PRDM15: variants seen among roughly 807,000 people sequenced by gnomAD.
The protein encoded by PRDM15 is PR/SET domain 15.
Under a neutral mutation model 128.6 loss-of-function variants are expected in PRDM15, and 64 were observed. That is an observed-to-expected ratio of 0.50 (90% CI 0.41 to 0.61). PRDM15 has a LOEUF of 0.61. Ranked by LOEUF, PRDM15 falls within the 20% of genes least tolerant of loss-of-function variation. The pLI is 0.00. For synonymous variants in PRDM15, 615 were observed against 621.8 expected, an observed-to-expected ratio of 0.99 and a Z score of 0.16; for missense variants, 1,242 against 1,569.1, an observed-to-expected ratio of 0.79 and a Z score of 3.52.
At chr21:41,826,265 A>G (rs1199548016) in intron 12 of PRDM15, among the ~76,000 whole-genome samples, 1 of 152,208 alleles carries the variant, frequency 6.6e-6, no homozygotes, top group East Asian at 1.9e-4. Context: ...CCAGGGAAGG[A>G]AGGGAGATGG....
chr21:41,852,603 C>T (rs1259635130), intron 5 of PRDM15, among the ~76,000 whole-genome samples: 1 of 152,256 alleles, frequency 6.6e-6, no homozygotes, highest in Admixed American at 6.5e-5. Context: ...CATCTCCCCA[C>T]AAAGCCACAG....
Position 41,821,261 on chromosome 21 carries a change from C to T in PRDM15, c.1897-31G>A. 8 of 1,613,088 alleles carry T rather than the reference C, an allele frequency of 5.0e-6. No homozygotes were observed. The highest frequency in any genetic ancestry group is 6.8e-6 in the Non-Finnish European group (8 of 1,179,696). On this transcript the variant is annotated intron_variant, in intron 15 of 23. Coordinates refer to ENST00000398548, the MANE Select transcript of PRDM15 (RefSeq NM_001040424.3). This position sits in a 1 kb window ranked among gnomAD's most constrained non-coding sequence, Gnocchi z 5.4. Reference sequence around the variant, plus strand: ...GGCCAGGTGGACAGGGCACTGCTGACACCCGCATGAGGTCCCTGGTCCTCT... The same window carrying T: ...GGCCAGGTGGACAGGGCACTGCTGATACCCGCATGAGGTCCCTGGTCCTCT...
chr21:41,816,667 C>T (rs992891330), intron 18 of PRDM15, among the ~76,000 whole-genome samples: 4 of 152,284 alleles, frequency 2.6e-5, no homozygotes, highest in East Asian at 1.9e-4. Context: ...GGGTGACCAT[C>T]CACCAGCTCC....
chr21:41,853,335 T>C (rs1237975129), intron 5 of PRDM15, among the ~76,000 whole-genome samples: 4 of 152,150 alleles, frequency 2.6e-5, no homozygotes, highest in African/African-American at 9.7e-5. Flanking sequence ...ATATTTTGGA[T>C]TACACTGCAT....
chr21:41,823,335 T>C lies in PRDM15; in HGVS notation c.1744A>G (p.Ile582Val), dbSNP rs2062353064. 1.2e-6 allele frequency: 2 copies of C among 1,607,870 alleles called. No homozygotes were observed. Among genetic ancestry groups the C allele is most frequent in the South Asian group, 1.1e-5 (1 of 89,610 alleles). Residue 582 changes from isoleucine to valine, a missense_variant, in exon 14 of 24, where the codon ATC becomes GTC. Around this residue, in one of 3 missense-constraint regions of PRDM15, gnomAD observed 602 missense variants for 788.3 expected, o/e 0.76. Transcript: ENST00000398548. ...FFRVDVLRDH[I>V]HVHFKDIALM... Reference sequence around the variant, plus strand: ...ATCGACACCTTGAAGTGGACATGGATGTGGTCCCTGAGCACATCCACGCGG... The same window carrying C: ...ATCGACACCTTGAAGTGGACATGGACGTGGTCCCTGAGCACATCCACGCGG...
In PRDM15 at chr21:41,828,423, G is replaced by A. The variant is rs2062548597; in HGVS notation, c.1367-90C>T. 1.0e-5 allele frequency: 14 copies of A among 1,368,002 alleles called. No individual in the cohort carries two copies. The highest frequency in any genetic ancestry group is 6.8e-5 in the Admixed American group (4 of 58,786). 84.7% of individuals were successfully genotyped at this position (1,368,002 alleles called of 1,614,324 possible). On this transcript the variant is annotated intron_variant, in intron 11 of 23. Transcript: ENST00000398548. The surrounding 1 kb of genome is among the most constrained non-coding windows in gnomAD (Gnocchi z 5.7). ...CGTGTGGCCTGAACGTCAATAAAGC[G>A]CGGGTGACGGGCATGAGAGTCACGG...
intron 6 of PRDM15, among the ~76,000 whole-genome samples, chr21:41,843,607 C>T: frequency 6.6e-6 from 1 of 152,204 alleles, no homozygotes; most frequent in Non-Finnish European, 1.5e-5. Context: ...TGCCATAGCT[C>T]TGTGAGCAAT....
At chr21:41,830,904 A>C (rs1847778318) in intron 11 of PRDM15, among the ~76,000 whole-genome samples, 1 of 152,136 alleles carries the variant, frequency 6.6e-6, no homozygotes, top group African/African-American at 2.4e-5. Context: ...GGGGGTCCTC[A>C]CTGCCCAGTC....
intron 6 of PRDM15, among the ~76,000 whole-genome samples, chr21:41,846,469 C>T (rs768982685): frequency 2.6e-5 from 4 of 152,172 alleles, no homozygotes; most frequent in Non-Finnish European, 2.9e-5. Context: ...TTTGGGAGGC[C>T]GAGGCAGACG....
rs556029295 is a variant in PRDM15, at chr21:41,841,405, A to G, written c.641-1552T>C. Among the ~76,000 whole-genome samples the G allele has an allele frequency of 6.6e-5, 10 of 152,354 alleles. No homozygotes were observed. In the South Asian group the frequency reaches 2.1e-3, roughly 32 times the overall value. On this transcript the variant is annotated intron_variant, in intron 6 of 23. Transcript: ENST00000398548. The stretch of plus-strand genomic sequence containing the variant: ...AATAAGAATAAACCCAAAATTCAAT[A>G]TCCGGTGAAAACCGTTTCCAGTGCA...
intron 6 of PRDM15, among the ~76,000 whole-genome samples, chr21:41,840,305 G>C (rs1020231966): frequency 6.6e-6 from 1 of 152,106 alleles, no homozygotes; most frequent in African/African-American, 2.4e-5. Context: ...AGTTAGCCGG[G>C]TGTGGTGGTG....
chr21:41,802,571 A>G (rs1414795809), intron 23 of PRDM15, 141 bp downstream of exon 23: 8 of 730,254 alleles, frequency 1.1e-5, no homozygotes, highest in Non-Finnish European at 9.7e-6. Context: ...AGTGAAAAAC[A>G]GAATGTCTGC....
At chr21:41,852,431 TG>T (rs2063458897) in intron 5 of PRDM15, among the ~76,000 whole-genome samples, 1 of 152,192 alleles carries the variant, frequency 6.6e-6, no homozygotes, top group Non-Finnish European at 1.5e-5. Flanking sequence ...TCGCAGGACT[TG>T]GAAACGGCCC....
chr21:41,848,234 T>C (rs1387320943), intron 5 of PRDM15, among the ~76,000 whole-genome samples: 1 of 152,230 alleles, frequency 6.6e-6, no homozygotes, highest in Admixed American at 6.5e-5. Flanking sequence ...ACATGTATCT[T>C]TTCATATCCA....
At chr21:41,805,942 C>G (rs2061553426) in intron 21 of PRDM15, among the ~76,000 whole-genome samples, 1 of 147,902 alleles carries the variant, frequency 6.8e-6, no homozygotes. Flanking sequence ...ATCAGTACCA[C>G]TACCACCACG....
rs79751505 is a variant in PRDM15 at position 41,804,597 on chromosome 21, G to A, written c.2670C>T (p.Ile890=). The A allele has an allele frequency of 1.4e-3, 2,147 of 1,566,354 alleles. 13 individuals are homozygous for A. The African/African-American group carries it at 0.023, about 16-fold the overall frequency. ...RKHPEVLAVR[I]DDLDHLPETT... Reference sequence around the variant, plus strand: ...TCTCCGGGAGGTGGTCCAGGTCATCGATCCTCACCGCGAGCACCTATGAGG... The same window carrying A: ...TCTCCGGGAGGTGGTCCAGGTCATCAATCCTCACCGCGAGCACCTATGAGG... Residue 890 remains isoleucine (I), a synonymous_variant, in exon 22 of 24, where the codon ATC becomes ATT. Coordinates refer to ENST00000398548, the MANE Select transcript of PRDM15 (RefSeq NM_001040424.3).
chr21:41,806,404 C>T (rs908823548), intron 21 of PRDM15, among the ~76,000 whole-genome samples: 2 of 50,490 alleles, frequency 4.0e-5, no homozygotes, highest in Non-Finnish European at 5.5e-5. Context: ...TCACCACCAC[C>T]ACCACCATCA....
At chr21:41,809,238 T>TC (rs2061781441) in intron 21 of PRDM15, among the ~76,000 whole-genome samples, 1 of 150,764 alleles carries the variant, frequency 6.6e-6, no homozygotes, top group African/African-American at 2.4e-5. Context: ...TTTTTTCTTT[T>TC]TTTTTTTTTT....
chr21:41,868,263 A>G (rs537729741), intron 1 of PRDM15, among the ~76,000 whole-genome samples: 1 of 152,252 alleles, frequency 6.6e-6, no homozygotes, highest in Non-Finnish European at 1.5e-5. Context: ...TTTTTCCCAC[A>G]CGGGGCTGTT....
Sources: gnomAD v4.1 joint callset for allele counts (sites outside exome capture counted in the v4.1 genomes callset) on GRCh38, gnomAD v4.1.1 for gene constraint, gnomAD v4.1.1 regional missense constraint, Gnocchi (gnomAD v3.1) non-coding constraint, MANE v1.5 for transcripts, NCBI Gene and HGNC (gene_info 2026-07-23, HGNC 2026-07-21) for gene names.